Variants in TG observed in about 807,000 individuals in gnomAD.
The protein encoded by TG is thyroid hormones.
TG carries 270 observed loss-of-function variants against 324.7 expected under a neutral mutation model. The observed-to-expected ratio is 0.83, with a 90% confidence interval of 0.75 to 0.92. The LOEUF (loss-of-function observed/expected upper bound fraction) is 0.92. Ranked by LOEUF, TG falls within the 40% of genes least tolerant of loss-of-function variation. The pLI is 0.00. For synonymous variants in TG, 1,401 were observed against 1,327.0 expected (o/e 1.06, Z -1.21); for missense variants, 3,591 against 3,456.4 (o/e 1.04, Z -0.98).
At chr8:132,871,700 T>C (rs375091024) in intron 4 of TG, 149 bp downstream of exon 4, 2 of 726,298 alleles carry the variant, frequency 2.8e-6, no homozygotes, top group Non-Finnish European at 2.3e-6. Context: ...GGGAAGGTTT[T>C]ATTATTCTCA....
intron 11 of TG, among the ~76,000 whole-genome samples, chr8:132,895,022 C>T (rs2132238491): frequency 6.6e-6 from 1 of 152,332 alleles, no homozygotes; most frequent in Non-Finnish European, 1.5e-5. Context: ...AGGCAGATTC[C>T]AGGTATTGCT....
intron 45 of TG, among the ~76,000 whole-genome samples, chr8:133,124,534 A>G (rs1314615080): frequency 6.6e-6 from 1 of 152,200 alleles, no homozygotes; most frequent in Non-Finnish European, 1.5e-5. Context: ...GTTTGCATTT[A>G]AACAAAACCC....
intron 43 of TG, among the ~76,000 whole-genome samples, chr8:133,097,825 A>C (rs1190420145): frequency 1.3e-5 from 2 of 152,168 alleles, no homozygotes; most frequent in African/African-American, 2.4e-5. Flanking sequence ...GTGCGTGTGT[A>C]TGTAGAGAGA....
At chr8:133,010,727 C>A (rs1371236581) in intron 35 of TG, among the ~76,000 whole-genome samples, 3 of 152,206 alleles carry the variant, frequency 2.0e-5, no homozygotes, top group Non-Finnish European at 2.9e-5. Flanking sequence ...ATCACCCTCA[C>A]TTCGTCTGGC....
Position 132,908,199 on chromosome 8 carries a change from G to A in TG, c.3861G>A (p.Trp1287Ter). The A allele has an allele frequency of 6.2e-7, 1 of 1,613,968 alleles. No individual in the cohort carries two copies. The highest frequency in any genetic ancestry group is 8.5e-7 in the Non-Finnish European group (1 of 1,180,014). Reference protein sequence around the residue: ...QPRACQRPQLWQTIQTQGHFQ... With the variant: ...QPRACQRPQL Reference sequence around the variant, plus strand: ...GCTTGCCTGCAGGGCCCCAGCTGTGGCAGACCATCCAGACCCAAGGGCACT... The same window carrying A: ...GCTTGCCTGCAGGGCCCCAGCTGTGACAGACCATCCAGACCCAAGGGCACT... Residue 1287 changes from tryptophan (W) to a stop codon, truncating the protein, a stop_gained, in exon 18 of 48, where the codon TGG becomes TGA. Coordinates refer to ENST00000220616, the MANE Select transcript of TG (RefSeq NM_003235.5). LOFTEE classifies it high-confidence loss of function.
chr8:133,109,658 GT>G (rs1850105336), intron 43 of TG, among the ~76,000 whole-genome samples: 1 of 152,128 alleles, frequency 6.6e-6, no homozygotes, highest in African/African-American at 2.4e-5. Context: ...CAGTTTCCTT[GT>G]CCACCCCCTC....
At chr8:132,995,327 A>C in intron 35 of TG, 1 of 985,132 alleles carries the variant, frequency 1.0e-6, no homozygotes, top group South Asian at 4.7e-5. Flanking sequence ...AAATGGAATG[A>C]GCAGCAGCTG....
Position 132,901,358 on chromosome 8 carries a change from A to G in TG, c.3439A>G (p.Ser1147Gly). The change falls in exon 16 of 48, where the codon AGC (serine) becomes GGC (glycine). Residue 1147 changes from serine to glycine, a missense_variant. Coordinates refer to ENST00000220616, the MANE Select transcript of TG (RefSeq NM_003235.5). ...CTGGCTTGTCTCTGTGTCAGGCCCAAGCCTCTGCAATGTGCTCAAGAGTGG... is the reference window on the plus strand; with the variant it reads ...CTGGCTTGTCTCTGTGTCAGGCCCAGGCCTCTGCAATGTGCTCAAGAGTGG... ...PGSSSSAQCP[S>G]LCNVLKSGVL... 1.2e-6 allele frequency: 2 copies of G among 1,614,140 alleles called. No homozygotes were observed. The highest frequency in any genetic ancestry group is 1.3e-5 in the African/African-American group (1 of 75,064).
chr8:133,024,154 T>TGGCA (rs1386552242), intron 40 of TG, among the ~76,000 whole-genome samples: 2 of 152,132 alleles, frequency 1.3e-5, no homozygotes, highest in Non-Finnish European at 2.9e-5. Flanking sequence ...CAGTCACAAG[T>TGGCA]GGCATCCTGT....
intron 40 of TG, among the ~76,000 whole-genome samples, chr8:133,029,526 G>C (rs1836421045): frequency 6.6e-6 from 1 of 152,214 alleles, no homozygotes; most frequent in Non-Finnish European, 1.5e-5. Flanking sequence ...GGGAAGCTGT[G>C]GCTCAGAGAG....
chr8:133,061,348 A>T (rs1842346260), intron 41 of TG, among the ~76,000 whole-genome samples: 1 of 152,190 alleles, frequency 6.6e-6, no homozygotes, highest in Admixed American at 6.5e-5. Flanking sequence ...GGGAACACTA[A>T]TTGAACAGTG....
At chr8:132,995,530 T>A (rs1832789054) in intron 35 of TG, 1 of 985,346 alleles carries the variant, frequency 1.0e-6, no homozygotes, top group Non-Finnish European at 1.2e-6. Flanking sequence ...AGATTGGTTG[T>A]TCACATGCAT....
Position 132,882,728 on chromosome 8 carries a change from A to C in TG, c.890-86A>C, listed in dbSNP as rs1256411567. 2.5e-6 allele frequency: 4 copies of C among 1,612,304 alleles called. No individual in the cohort carries two copies. In the East Asian group the frequency reaches 8.9e-5, roughly 36 times the overall value. On this transcript the variant is annotated intron_variant, in intron 7 of 47. Transcript: ENST00000220616. The stretch of plus-strand genomic sequence containing the variant: ...CCAAAGTGAGGGCAGAGATGAAAAG[A>C]ATCGTTAAGAGCAAACAGCAGTGCA...
At position 133,047,420 on chromosome 8, in the gene TG, G is replaced by A. The variant is rs148049404; in HGVS notation, c.7239+17397G>A. ...CACCACACCCTTACAAGGGAGAGGT[G>A]TTCTCTCCATTTCACAGATGAGAAA... On this transcript the variant is annotated intron_variant, in intron 41 of 47. Coordinates refer to ENST00000220616, the MANE Select transcript of TG (RefSeq NM_003235.5). The A allele has an allele frequency of 8.4e-4, 165 of 195,708 alleles. 1 individual carries two copies. The highest frequency in any genetic ancestry group is 3.6e-3 in the African/African-American group (151 of 42,374). The allele number at this position is 195,708 out of a possible 1,614,324, so 12.1% of individuals were successfully genotyped here. A position where few individuals can be genotyped will look rare whatever the true frequency, so the allele number is the denominator to read the frequency against.
chr8:132,991,734 G>C (rs1199483338), intron 35 of TG, among the ~76,000 whole-genome samples: 1 of 152,022 alleles, frequency 6.6e-6, no homozygotes, highest in Non-Finnish European at 1.5e-5. Context: ...CAGCACGCGG[G>C]AACTCCACTC....
At chr8:132,986,260 G>C (rs1204009921) in intron 35 of TG, among the ~76,000 whole-genome samples, 1 of 151,426 alleles carries the variant, frequency 6.6e-6, no homozygotes, top group Non-Finnish European at 1.5e-5. Context: ...TAGTCTCTAT[G>C]TATAATGTTG....
chr8:133,111,742 G>T (rs1246418415), intron 43 of TG, among the ~76,000 whole-genome samples: 2 of 152,176 alleles, frequency 1.3e-5, no homozygotes, highest in African/African-American at 4.8e-5. Context: ...CATGATCATG[G>T]TCAAAATATT....
intron 27 of TG, among the ~76,000 whole-genome samples, chr8:132,958,259 T>C (rs1427590922): frequency 6.6e-6 from 1 of 152,242 alleles, no homozygotes; most frequent in Non-Finnish European, 1.5e-5. Context: ...GTTAAAAACC[T>C]TATTCACTTT....
intron 41 of TG, chr8:133,074,968 G>GC: frequency 1.0e-6 from 1 of 985,510 alleles, no homozygotes; most frequent in Non-Finnish European, 1.2e-6. Context: ...AGGCAGCCGG[G>GC]CTTCTCGCGG....
Sources: gnomAD v4.1 joint callset for allele counts (sites outside exome capture counted in the v4.1 genomes callset) on GRCh38, gnomAD v4.1.1 for gene constraint, MANE v1.5 for transcripts, NCBI Gene and HGNC (gene_info 2026-07-23, HGNC 2026-07-21) for gene names.